PRTFDC1: variants seen among roughly 807,000 people sequenced by gnomAD.
PRTFDC1 encodes phosphoribosyl transferase domain containing 1, also known as phosphoribosyltransferase domain-containing protein 1.
PRTFDC1 carries 38 observed loss-of-function variants against 34.6 expected under a neutral mutation model. That is an observed-to-expected ratio of 1.10 (90% confidence interval 0.85 to 1.44). The LOEUF is 1.44. PRTFDC1 is among the 40% of genes most tolerant of loss of function. The pLI is 0.00. For synonymous variants in PRTFDC1, 93 were observed against 98.1 expected, an observed-to-expected ratio of 0.95 and a Z score of 0.31; for missense variants, 270 against 283.0, an observed-to-expected ratio of 0.95 and a Z score of 0.33.
chr10:24,948,424 T>C (rs1849286780), intron 1 of PRTFDC1, among the ~76,000 whole-genome samples: 1 of 152,180 alleles, frequency 6.6e-6, no homozygotes, highest in African/African-American at 2.4e-5. Context: ...CCAGATCAAG[T>C]GACAAGCCAA....
chr10:24,927,818 G>A (rs944732213), intron 3 of PRTFDC1, among the ~76,000 whole-genome samples: 1 of 150,526 alleles, frequency 6.6e-6, no homozygotes, highest in African/African-American at 2.5e-5. Context: ...TTGACCCTGT[G>A]ATCTGCCTGC....
chr10:24,853,117 A>C (rs1490030265), intron 7 of PRTFDC1, among the ~76,000 whole-genome samples: 1 of 152,138 alleles, frequency 6.6e-6, no homozygotes. Flanking sequence ...AGAAAGAATC[A>C]ATCAGGAGAA....
At chr10:24,892,493 T>C (rs373136093) in intron 3 of PRTFDC1, among the ~76,000 whole-genome samples, 1 of 152,072 alleles carries the variant, frequency 6.6e-6, no homozygotes, top group African/African-American at 2.4e-5. Context: ...TCCCTGAAGA[T>C]TGATGACATT....
intron 3 of PRTFDC1, among the ~76,000 whole-genome samples, chr10:24,904,442 C>T (rs1049868372): frequency 6.6e-6 from 1 of 152,116 alleles, no homozygotes; most frequent in African/African-American, 2.4e-5. Flanking sequence ...CATGCATTTC[C>T]ATCAGGTGTA....
At chr10:24,944,141 G>GCTGA (rs1849215287) in intron 1 of PRTFDC1, among the ~76,000 whole-genome samples, 1 of 151,998 alleles carries the variant, frequency 6.6e-6, no homozygotes, top group South Asian at 2.1e-4. Context: ...TGGAGGCCTT[G>GCTGA]CTGACTGCCC....
chr10:24,933,386 T>C (rs1336481458), intron 3 of PRTFDC1, among the ~76,000 whole-genome samples: 1 of 152,072 alleles, frequency 6.6e-6, no homozygotes, highest in East Asian at 1.9e-4. Context: ...TTTAAAACTC[T>C]CAAATACAAT....
intron 3 of PRTFDC1, among the ~76,000 whole-genome samples, chr10:24,878,018 C>T (rs146476887): frequency 0.024 from 3,678 of 152,008 alleles, 92 homozygotes; most frequent in East Asian, 0.12. Flanking sequence ...TGGTGGCTCA[C>T]GCCTGTAATC....
chr10:24,931,215 T>C (rs915846706), intron 3 of PRTFDC1, among the ~76,000 whole-genome samples: 6 of 152,068 alleles, frequency 3.9e-5, no homozygotes, highest in African/African-American at 1.4e-4. Context: ...TATATCAAAA[T>C]GTATAGAGGC....
At chr10:24,877,847 CT>C (rs1324271857) in intron 3 of PRTFDC1, among the ~76,000 whole-genome samples, 7 of 152,132 alleles carry the variant, frequency 4.6e-5, no homozygotes, top group Non-Finnish European at 8.8e-5. Context: ...TCTTGAACTC[CT>C]GGCCTCAAGC....
At chr10:24,870,149 G>A (rs931520180) in intron 4 of PRTFDC1, among the ~76,000 whole-genome samples, 3 of 152,134 alleles carry the variant, frequency 2.0e-5, no homozygotes, top group Admixed American at 1.3e-4. Flanking sequence ...TTGTTCTGTC[G>A]CCCAGGCTGG....
chr10:24,893,292 C>T (rs28414126), intron 3 of PRTFDC1, among the ~76,000 whole-genome samples: 5 of 151,936 alleles, frequency 3.3e-5, no homozygotes, highest in Admixed American at 6.6e-5. Context: ...CTCTCTCTTT[C>T]TCTCTTTCTT....
chr10:24,904,690 G>C (rs1294064273), intron 3 of PRTFDC1, among the ~76,000 whole-genome samples: 1 of 152,138 alleles, frequency 6.6e-6, no homozygotes, highest in East Asian at 1.9e-4. Flanking sequence ...AAGAATCCTG[G>C]AAAAGAGACT....
Position 24,945,261 on chromosome 10 carries a change from A to G in PRTFDC1, c.49-2825T>C, listed in dbSNP as rs892944816. 5.9e-5 allele frequency among the ~76,000 whole-genome samples: 9 copies of G among 152,180 alleles called. 1 individual carries two copies. The highest frequency in any genetic ancestry group is 2.6e-4 in the Admixed American group (4 of 15,276). ...TCAGTGCCCAGAATGCTGATCTGGAATATGGTATAGTGCTCAAAAATGTTA... is the reference window on the plus strand; with the variant it reads ...TCAGTGCCCAGAATGCTGATCTGGAGTATGGTATAGTGCTCAAAAATGTTA... On this transcript the variant is annotated intron_variant, in intron 1 of 8. Transcript: ENST00000320152.
intron 3 of PRTFDC1, among the ~76,000 whole-genome samples, chr10:24,873,354 T>C (rs1170458976): frequency 6.6e-6 from 1 of 152,056 alleles, no homozygotes; most frequent in Non-Finnish European, 1.5e-5. Context: ...AGACCCACAT[T>C]AAAGGAACCA....
At chr10:24,914,760 A>T (rs1848671057) in intron 3 of PRTFDC1, among the ~76,000 whole-genome samples, 1 of 152,072 alleles carries the variant, frequency 6.6e-6, no homozygotes, top group African/African-American at 2.4e-5. Context: ...GCTCTAGCCA[A>T]CTCCTTCTCT....
intron 4 of PRTFDC1, among the ~76,000 whole-genome samples, chr10:24,870,116 T>C (rs1847848698): frequency 6.6e-6 from 1 of 152,152 alleles, no homozygotes; most frequent in Non-Finnish European, 1.5e-5. Context: ...ATTATTATTA[T>C]TATTTTTTTA....
chr10:24,880,225 T>A (rs7920077), intron 3 of PRTFDC1, among the ~76,000 whole-genome samples: 4,153 of 152,194 alleles, frequency 0.027, 196 homozygotes, highest in African/African-American at 0.09. Context: ...CTTCTTGACA[T>A]CTGTCTTTAG....
At chr10:24,936,788 C>T (rs1314878164) in intron 3 of PRTFDC1, among the ~76,000 whole-genome samples, 2 of 152,116 alleles carry the variant, frequency 1.3e-5, no homozygotes, top group African/African-American at 4.8e-5. Flanking sequence ...ACTAAGACTC[C>T]TCTCTGGGCT....
At chr10:24,866,159 G>A (rs1847770713) in intron 4 of PRTFDC1, among the ~76,000 whole-genome samples, 1 of 151,924 alleles carries the variant, frequency 6.6e-6, no homozygotes, top group Non-Finnish European at 1.5e-5. Context: ...TCAGAAGTTT[G>A]AGACCAGCTT....
Sources: allele counts gnomAD v4.1 joint callset (sites outside exome capture counted in the v4.1 genomes callset), GRCh38; gene constraint gnomAD v4.1.1; transcripts MANE v1.5; gene names NCBI Gene and HGNC (gene_info 2026-07-23, HGNC 2026-07-21).